Variants in SLC9A9 observed in about 807,000 individuals in gnomAD.
The protein encoded by SLC9A9 is solute carrier family 9 member A9.
In SLC9A9, 62 loss-of-function variants were observed where a neutral mutation model predicts 77.8. The ratio of observed to expected loss-of-function variants is 0.80; its 90% CI spans 0.65 to 0.98. The LOEUF (loss-of-function observed/expected upper bound fraction) is 0.98. SLC9A9 is among the 50% of genes least tolerant of loss of function. The pLI, the probability that SLC9A9 is intolerant of heterozygous loss-of-function variation, is 0.00. For synonymous variants in SLC9A9, 320 were observed against 283.5 expected (o/e 1.13, Z -1.29); for missense variants, 775 against 774.9 (o/e 1.00, Z 0.00).
intron 4 of SLC9A9, among the ~76,000 whole-genome samples, chr3:143,728,547 T>C (rs1299429264): frequency 6.6e-6 from 1 of 151,954 alleles, no homozygotes; most frequent in Non-Finnish European, 1.5e-5. Context: ...TATTTGGATT[T>C]TTTCTGAAAT....
intron 6 of SLC9A9, among the ~76,000 whole-genome samples, chr3:143,585,494 A>G (rs1239395972): frequency 6.6e-6 from 1 of 152,162 alleles, no homozygotes; most frequent in Non-Finnish European, 1.5e-5. Context: ...CATCTTACAC[A>G]TACTATACAC....
chr3:143,418,162 G>T (rs983815140), intron 12 of SLC9A9, among the ~76,000 whole-genome samples: 1 of 151,036 alleles, frequency 6.6e-6, no homozygotes, highest in Non-Finnish European at 1.5e-5. Context: ...CTGGTCCAGA[G>T]ATTGAATTCT....
intron 4 of SLC9A9, among the ~76,000 whole-genome samples, chr3:143,736,413 T>C (rs1934942655): frequency 6.6e-6 from 1 of 152,214 alleles, no homozygotes; most frequent in Non-Finnish European, 1.5e-5. Context: ...AAGCATCGGC[T>C]ACATAGCAGT....
intron 2 of SLC9A9, among the ~76,000 whole-genome samples, chr3:143,831,509 T>A (rs1172664524): frequency 6.6e-6 from 1 of 152,220 alleles, no homozygotes; most frequent in East Asian, 1.9e-4. Flanking sequence ...ACTGACTGCA[T>A]GTCAGTGTAT....
At chr3:143,488,525 A>G (rs1229453285) in intron 11 of SLC9A9, among the ~76,000 whole-genome samples, 1 of 152,048 alleles carries the variant, frequency 6.6e-6, no homozygotes, top group Admixed American at 6.5e-5. Flanking sequence ...TGAATTCAGT[A>G]GCATATTAAA....
chr3:143,658,150 G>T (rs2038924092), intron 5 of SLC9A9, among the ~76,000 whole-genome samples: 1 of 152,158 alleles, frequency 6.6e-6, no homozygotes, highest in African/African-American at 2.4e-5. Context: ...TACAGCATGA[G>T]CCACTGTGCC....
At chr3:143,444,808 G>A (rs1295981635) in intron 12 of SLC9A9, among the ~76,000 whole-genome samples, 2 of 152,168 alleles carry the variant, frequency 1.3e-5, no homozygotes, top group East Asian at 3.8e-4. Context: ...AGAGGTAAAT[G>A]GGAAAGAAAG....
intron 5 of SLC9A9, among the ~76,000 whole-genome samples, chr3:143,678,666 T>A (rs942906394): frequency 6.6e-6 from 1 of 152,256 alleles, no homozygotes; most frequent in Non-Finnish European, 1.5e-5. Flanking sequence ...AATACCACAC[T>A]GATTTGATTA....
chr3:143,459,163 T>G (rs945250755), intron 12 of SLC9A9, among the ~76,000 whole-genome samples: 3 of 152,082 alleles, frequency 2.0e-5, no homozygotes, highest in Admixed American at 6.5e-5. Flanking sequence ...ATGCTCTTAC[T>G]TCTTGGGGCA....
At chr3:143,844,453 T>C (rs1306420678) in intron 1 of SLC9A9, among the ~76,000 whole-genome samples, 1 of 152,106 alleles carries the variant, frequency 6.6e-6, no homozygotes, top group Non-Finnish European at 1.5e-5. Context: ...GGAAATTTGA[T>C]GCTGGGGAAA....
intron 4 of SLC9A9, among the ~76,000 whole-genome samples, chr3:143,751,075 G>A (rs187085309): frequency 1.1e-4 from 17 of 152,324 alleles, no homozygotes; most frequent in African/African-American, 4.1e-4. Context: ...CTGCTTCAAG[G>A]AGATAGGAAG....
intron 14 of SLC9A9, among the ~76,000 whole-genome samples, chr3:143,303,553 G>T (rs1316257049): frequency 6.6e-6 from 1 of 152,138 alleles, no homozygotes; most frequent in Non-Finnish European, 1.5e-5. Flanking sequence ...GGTAGGAAGG[G>T]CCAGGTGTCT....
chr3:143,644,659 T>C (rs2108741710), intron 6 of SLC9A9, among the ~76,000 whole-genome samples: 1 of 152,216 alleles, frequency 6.6e-6, no homozygotes, highest in South Asian at 2.1e-4. Context: ...GATCCCAGGG[T>C]GGCCTTGCCA....
chr3:143,631,210 T>C (rs2038418214), intron 6 of SLC9A9, among the ~76,000 whole-genome samples: 1 of 152,144 alleles, frequency 6.6e-6, no homozygotes. Context: ...GTGCCTTGCA[T>C]AAATCCAAAC....
chr3:143,345,972 T>C (rs2032259893), intron 14 of SLC9A9, among the ~76,000 whole-genome samples: 2 of 152,128 alleles, frequency 1.3e-5, no homozygotes, highest in South Asian at 4.1e-4. Flanking sequence ...AGCTTGTCTA[T>C]AGAAGGAGGA....
chr3:143,372,153 A>G (rs2033072974), intron 13 of SLC9A9, among the ~76,000 whole-genome samples: 1 of 152,232 alleles, frequency 6.6e-6, no homozygotes. Flanking sequence ...AAAGCAGTCT[A>G]TAGATCCAAT....
chr3:143,669,920 T>C (rs894642119), intron 5 of SLC9A9, among the ~76,000 whole-genome samples: 3 of 152,232 alleles, frequency 2.0e-5, no homozygotes, highest in Non-Finnish European at 4.4e-5. Context: ...TGTATTGTTA[T>C]TGTTCATGCC....
intron 14 of SLC9A9, among the ~76,000 whole-genome samples, chr3:143,288,956 C>T (rs1407861518): frequency 6.6e-6 from 1 of 152,202 alleles, no homozygotes; most frequent in Non-Finnish European, 1.5e-5. Context: ...AAAATGCTCC[C>T]TGGTATGTCT....
At chr3:143,427,636 T>C (rs2034431314) in intron 12 of SLC9A9, among the ~76,000 whole-genome samples, 1 of 152,218 alleles carries the variant, frequency 6.6e-6, no homozygotes, top group Non-Finnish European at 1.5e-5. Context: ...TGGACATAGA[T>C]ACTACAACTG....
Sources: allele counts gnomAD v4.1 joint callset (sites outside exome capture counted in the v4.1 genomes callset), GRCh38; gene constraint gnomAD v4.1.1; transcripts MANE v1.5; gene names NCBI Gene and HGNC (gene_info 2026-07-23, HGNC 2026-07-21).